Variants in FOXP1 observed in about 807,000 individuals in gnomAD.
The protein encoded by FOXP1 is forkhead box P1.
Under a neutral mutation model 98.2 loss-of-function variants are expected in FOXP1, and 15 were observed. The observed-to-expected ratio is 0.15, with a 90% CI of 0.10 to 0.24. The LOEUF (loss-of-function observed/expected upper bound fraction) is 0.24, where lower values mean the gene tolerates loss of function less well. FOXP1 is among the 10% of genes least tolerant of loss of function. FOXP1 has a pLI of 1.00. For missense variants in FOXP1, 633 were observed against 848.5 expected (o/e 0.75, Z 3.15); for synonymous variants, 371 against 314.5 (o/e 1.18, Z -1.90).
chr3:70,968,267 G>A (rs2035390861), intron 19 of FOXP1: 1 of 151,934 alleles, frequency 6.6e-6, no homozygotes. Flanking sequence ...TGATCCGCAA[G>A]AGAGCTTCTT....
At chr3:71,233,936 G>A (rs1198217139) in intron 5 of FOXP1, among the ~76,000 whole-genome samples, 1 of 152,118 alleles carries the variant, frequency 6.6e-6, no homozygotes, top group Non-Finnish European at 1.5e-5. Flanking sequence ...TCGAGGGTTT[G>A]TGTTCTCAAT....
chr3:71,551,795 T>C (rs2045799822), intron 2 of FOXP1, among the ~76,000 whole-genome samples: 1 of 152,174 alleles, frequency 6.6e-6, no homozygotes, highest in African/African-American at 2.4e-5. Context: ...ATCTCTACCA[T>C]CTATGATCGG....
intron 6 of FOXP1, among the ~76,000 whole-genome samples, chr3:71,171,162 G>T (rs966756151): frequency 6.6e-6 from 1 of 151,300 alleles, no homozygotes; most frequent in African/African-American, 2.4e-5. Context: ...CCTTTGCTGG[G>T]ATAAAAGTAC....
chr3:71,407,830 A>G (rs1220215467), intron 3 of FOXP1, among the ~76,000 whole-genome samples: 3 of 151,990 alleles, frequency 2.0e-5, no homozygotes, highest in Admixed American at 6.6e-5. Flanking sequence ...TGTTTAATCC[A>G]TAAGGAAAAG....
chr3:71,346,599 A>C (rs751319489), intron 4 of FOXP1, among the ~76,000 whole-genome samples: 10 of 152,166 alleles, frequency 6.6e-5, no homozygotes, highest in Admixed American at 4.6e-4. Flanking sequence ...AAAGTTTCCT[A>C]ATGTTGCCTT....
At chr3:71,321,121 C>CAAAAAAAAAAA (rs11293559) in intron 4 of FOXP1, among the ~76,000 whole-genome samples, 23 of 121,980 alleles carry the variant, frequency 1.9e-4, no homozygotes, top group South Asian at 2.7e-4. Flanking sequence ...TAGACTGTAC[C>CAAAAAAAAAAA]AAAAAAAAAA....
intron 3 of FOXP1, among the ~76,000 whole-genome samples, chr3:71,486,177 T>C (rs2090633172): frequency 6.6e-6 from 1 of 152,176 alleles, no homozygotes; most frequent in Non-Finnish European, 1.5e-5. Context: ...ACTTATGCAC[T>C]AACCTTCTCT....
rs138395976 is a variant in FOXP1, at chr3:71,429,006, T to C, written c.-168+64420A>G. ...GAAACTCCCTGGACTAGTGCCGACA[T>C]GCAGACAGTAGTCGGCTGACATTTT... On this transcript the variant is annotated intron_variant, in intron 3 of 20. Coordinates refer to ENST00000649528, the MANE Select transcript of FOXP1 (RefSeq NM_001349338.3). Among the ~76,000 whole-genome samples the C allele has an allele frequency of 4.4e-3, 673 of 152,352 alleles. 7 individuals are homozygous for C. Among genetic ancestry groups the C allele is most frequent in the African/African-American group, 0.015 (637 of 41,574 alleles).
chr3:71,326,407 C>A (rs191991668), intron 4 of FOXP1, among the ~76,000 whole-genome samples: 5 of 152,240 alleles, frequency 3.3e-5, no homozygotes, highest in Admixed American at 6.5e-5. Context: ...CGTAATAAAG[C>A]TCCCAATGAT....
chr3:71,501,414 C>T (rs943837469), intron 2 of FOXP1, among the ~76,000 whole-genome samples: 6 of 151,274 alleles, frequency 4.0e-5, no homozygotes, highest in Non-Finnish European at 8.8e-5. Flanking sequence ...CCTGCCTCAG[C>T]GTCCCGAGTA....
chr3:71,126,123 G>C (rs567154339), intron 6 of FOXP1, among the ~76,000 whole-genome samples: 1 of 152,286 alleles, frequency 6.6e-6, no homozygotes, highest in South Asian at 2.1e-4. Flanking sequence ...TGAATTGGGA[G>C]AAAAATAAAA....
intron 6 of FOXP1, among the ~76,000 whole-genome samples, chr3:71,196,469 C>CA (rs11437808): frequency 0.014 from 2,144 of 151,792 alleles, 57 homozygotes; most frequent in African/African-American, 0.05. Flanking sequence ...TTTAGCTCCT[C>CA]AAAAAAAATC....
chr3:71,541,604 G>C (rs1003337747), intron 2 of FOXP1, among the ~76,000 whole-genome samples: 1 of 152,050 alleles, frequency 6.6e-6, no homozygotes, highest in Admixed American at 6.6e-5. Flanking sequence ...AACAGATACA[G>C]CAAAATGTCA....
At chr3:71,067,126 G>GA (rs1314726875) in intron 7 of FOXP1, among the ~76,000 whole-genome samples, 1 of 152,176 alleles carries the variant, frequency 6.6e-6, no homozygotes, top group Admixed American at 6.5e-5. Context: ...ACAAAAGAGA[G>GA]AGGGAAATGG....
intron 4 of FOXP1, among the ~76,000 whole-genome samples, chr3:71,336,010 C>CAAAAAAAAA (rs60051890): frequency 2.9e-5 from 1 of 34,090 alleles, no homozygotes; most frequent in African/African-American, 1.5e-4. Context: ...AACTCCATCT[C>CAAAAAAAAA]AAAAAAAAAA....
At chr3:71,297,300 A>G (rs981794411) in intron 5 of FOXP1, among the ~76,000 whole-genome samples, 1 of 152,142 alleles carries the variant, frequency 6.6e-6, no homozygotes. Flanking sequence ...AGGCAATGCC[A>G]ATGACAAATT....
chr3:71,258,725 C>T (rs1426165456), intron 5 of FOXP1, among the ~76,000 whole-genome samples: 1 of 152,180 alleles, frequency 6.6e-6, no homozygotes. Context: ...GAGAGCTTTG[C>T]TTAAGGCTTT....
At chr3:71,044,188 T>C (rs2048721129) in intron 10 of FOXP1, among the ~76,000 whole-genome samples, 2 of 152,208 alleles carry the variant, frequency 1.3e-5, no homozygotes, top group Admixed American at 6.5e-5. Context: ...CAGTCACTCA[T>C]CAGACTAAAT....
At chr3:70,964,228 C>G (rs561285939) in intron 20 of FOXP1, among the ~76,000 whole-genome samples, 3 of 152,102 alleles carry the variant, frequency 2.0e-5, no homozygotes. Flanking sequence ...ATAGTTGAAA[C>G]CTTCATTTCA....
Sources: gnomAD v4.1 joint callset for allele counts (sites outside exome capture counted in the v4.1 genomes callset) on GRCh38, gnomAD v4.1.1 for gene constraint, MANE v1.5 for transcripts, NCBI Gene and HGNC (gene_info 2026-07-23, HGNC 2026-07-21) for gene names.